SNTG1: variants seen among roughly 807,000 people sequenced by gnomAD.
The protein encoded by SNTG1 is syntrophin gamma 1.
A neutral mutation model predicts 74.7 loss-of-function variants in SNTG1; 39 were observed. That is an observed-to-expected ratio of 0.52 (90% CI 0.40 to 0.68). SNTG1 has a LOEUF of 0.68. SNTG1 is among the 30% of genes least tolerant of loss of function. The pLI is 0.00. For synonymous variants in SNTG1, 254 were observed against 217.1 expected (o/e 1.17, Z -1.49); for missense variants, 685 against 609.5 (o/e 1.12, Z -1.30).
intron 13 of SNTG1, among the ~76,000 whole-genome samples, chr8:50,622,505 T>C (rs867483403): frequency 2.0e-5 from 3 of 152,180 alleles, no homozygotes; most frequent in Non-Finnish European, 2.9e-5. Flanking sequence ...AGCTCACCAT[T>C]AAAGTTTATG....
chr8:50,588,119 C>CA (rs201985462), intron 12 of SNTG1, among the ~76,000 whole-genome samples: 3,053 of 116,840 alleles, frequency 0.026, 38 homozygotes, highest in Middle Eastern at 0.044. Context: ...GACTCCGACT[C>CA]AAAAAAAAAA....
Position 50,199,891 on chromosome 8 carries a change from A to G in SNTG1, c.-28+27256A>G, listed in dbSNP as rs570570906. On this transcript the variant is annotated intron_variant, in intron 2 of 18. Transcript: ENST00000642720. The stretch of plus-strand genomic sequence containing the variant: ...CTGAAGTGAATGACATGGATAAAGA[A>G]ACAAAATTAGGGAACCTGTATTGTG... 5.9e-5 allele frequency among the ~76,000 whole-genome samples: 9 copies of G among 152,304 alleles called. No individual in the cohort carries two copies. In the East Asian group the frequency reaches 1.7e-3, roughly 29 times the overall value.
intron 2 of SNTG1, among the ~76,000 whole-genome samples, chr8:50,376,729 TTA>T (rs375978893): frequency 0.13 from 13,194 of 100,164 alleles, 911 homozygotes; most frequent in Middle Eastern, 0.15. Flanking sequence ...TATTAATAAA[TTA>T]TATATATATA....
At chr8:50,002,421 T>G (rs1814826580) in intron 1 of SNTG1, among the ~76,000 whole-genome samples, 1 of 152,200 alleles carries the variant, frequency 6.6e-6, no homozygotes, top group Non-Finnish European at 1.5e-5. Context: ...TTGCCTGTTT[T>G]TCTGTGAGTT....
intron 13 of SNTG1, among the ~76,000 whole-genome samples, chr8:50,603,683 A>G (rs1293710129): frequency 6.6e-6 from 1 of 152,166 alleles, no homozygotes; most frequent in Non-Finnish European, 1.5e-5. Context: ...ATTCGATGCA[A>G]CTTGGACCCC....
chr8:50,370,970 T>G (rs2131148780), intron 2 of SNTG1, among the ~76,000 whole-genome samples: 1 of 152,272 alleles, frequency 6.6e-6, no homozygotes, highest in South Asian at 2.1e-4. Flanking sequence ...AATAATTTGT[T>G]TAATAGGATA....
chr8:50,144,269 G>A (rs1402097266), intron 1 of SNTG1, among the ~76,000 whole-genome samples: 1 of 152,184 alleles, frequency 6.6e-6, no homozygotes, highest in Non-Finnish European at 1.5e-5. Context: ...GGCCACAGAT[G>A]GAAGGCAGAT....
At position 50,781,140 on chromosome 8, in the gene SNTG1, G is replaced by A. The variant is rs138240863; in HGVS notation, c.1396-11531G>A. 9.5e-3 allele frequency among the ~76,000 whole-genome samples: 1,446 copies of A among 152,190 alleles called. 26 individuals carry two copies. Among genetic ancestry groups the A allele is most frequent in the African/African-American group, 0.033 (1,374 of 41,510 alleles). On this transcript the variant is annotated intron_variant, in intron 18 of 18. Coordinates refer to ENST00000642720, the MANE Select transcript of SNTG1 (RefSeq NM_018967.5). ...TACTTCCAACTATGTGGTCAATTTA[G>A]GAATAGGTGTTGTATGTTGCTGAAA...
intron 2 of SNTG1, among the ~76,000 whole-genome samples, chr8:50,174,023 T>C (rs1053777471): frequency 2.0e-5 from 3 of 152,140 alleles, no homozygotes; most frequent in Non-Finnish European, 4.4e-5. Context: ...GTGTGTGATG[T>C]TCCCCTCCCT....
chr8:50,085,162 C>T (rs1242828437), intron 1 of SNTG1, among the ~76,000 whole-genome samples: 1 of 152,128 alleles, frequency 6.6e-6, no homozygotes, highest in Non-Finnish European at 1.5e-5. Flanking sequence ...GATAAAGCCT[C>T]TTTTATTTAC....
intron 1 of SNTG1, among the ~76,000 whole-genome samples, chr8:50,093,565 T>C (rs2079820667): frequency 6.6e-6 from 1 of 152,070 alleles, no homozygotes; most frequent in African/African-American, 2.4e-5. Context: ...GGACTAGAAC[T>C]TCATTCCTGC....
chr8:50,236,630 T>C (rs2132101980), intron 2 of SNTG1, among the ~76,000 whole-genome samples: 1 of 152,002 alleles, frequency 6.6e-6, no homozygotes. Context: ...TTTTGTGTTT[T>C]TAGTAGAGAC....
chr8:50,257,532 T>C (rs2086945111), intron 2 of SNTG1, among the ~76,000 whole-genome samples: 1 of 152,114 alleles, frequency 6.6e-6, no homozygotes, highest in Non-Finnish European at 1.5e-5. Flanking sequence ...CAATGTAGAT[T>C]TGGTTGGTGA....
intron 9 of SNTG1, among the ~76,000 whole-genome samples, chr8:50,513,260 T>C (rs2094100569): frequency 6.6e-6 from 1 of 152,198 alleles, no homozygotes; most frequent in South Asian, 2.1e-4. Context: ...TATTGCTGCC[T>C]GATCGTTCCT....
intron 2 of SNTG1, among the ~76,000 whole-genome samples, chr8:50,362,246 C>T (rs918704002): frequency 6.6e-6 from 1 of 152,102 alleles, no homozygotes; most frequent in African/African-American, 2.4e-5. Flanking sequence ...ACTAATTAGA[C>T]CCTTGACTGA....
At chr8:50,612,108 G>C (rs1002033400) in intron 13 of SNTG1, among the ~76,000 whole-genome samples, 1 of 152,212 alleles carries the variant, frequency 6.6e-6, no homozygotes, top group Non-Finnish European at 1.5e-5. Flanking sequence ...GCACATGTGA[G>C]AGCATAATGT....
chr8:50,661,595 A>C lies in SNTG1; in HGVS notation c.1038+2932A>C, dbSNP rs1416855262. ...CATGTGCAGAACGTACAGTTTTGTTACGTAGGTATACATGTACCATGGTGG... is the reference window on the plus strand; with the variant it reads ...CATGTGCAGAACGTACAGTTTTGTTCCGTAGGTATACATGTACCATGGTGG... On this transcript the variant is annotated intron_variant, in intron 15 of 18. Transcript: ENST00000642720. Among the ~76,000 whole-genome samples, 4 of 152,080 alleles carry C rather than the reference A, an allele frequency of 2.6e-5. No individual in the cohort carries two copies. In the East Asian group the frequency reaches 7.7e-4, roughly 29 times the overall value.
chr8:50,079,665 T>C (rs1039678008), intron 1 of SNTG1, among the ~76,000 whole-genome samples: 6 of 152,300 alleles, frequency 3.9e-5, no homozygotes, highest in Middle Eastern at 3.4e-3. Context: ...TGGTATTGCC[T>C]AGGTTTTCTT....
At chr8:50,681,413 T>C (rs2095330396) in intron 15 of SNTG1, among the ~76,000 whole-genome samples, 1 of 152,166 alleles carries the variant, frequency 6.6e-6, no homozygotes, top group Non-Finnish European at 1.5e-5. Flanking sequence ...AATCCATTTT[T>C]CCAGTAATGT....
Sources: gnomAD v4.1 joint callset for allele counts (sites outside exome capture counted in the v4.1 genomes callset) on GRCh38, gnomAD v4.1.1 for gene constraint, MANE v1.5 for transcripts, NCBI Gene and HGNC (gene_info 2026-07-23, HGNC 2026-07-21) for gene names.